CEP20: variants seen among roughly 807,000 people sequenced by gnomAD.
CEP20 encodes the protein FGFR1OP N-terminal like.
In CEP20, 18 loss-of-function variants were observed where a neutral mutation model predicts 20.0. The ratio of observed to expected loss-of-function variants is 0.90; its 90% CI spans 0.62 to 1.34. The LOEUF is 1.34. CEP20 is among the 40% of genes most tolerant of loss of function. The pLI, the probability that CEP20 is intolerant of heterozygous loss-of-function variation, is 0.00. For missense variants in CEP20, 215 were observed against 201.6 expected, an observed-to-expected ratio of 1.07 and a Z score of -0.40; for synonymous variants, 77 against 73.7, an observed-to-expected ratio of 1.04 and a Z score of -0.23.
intron 3 of CEP20, 66 bp downstream of exon 3, chr16:15,879,738 A>T: frequency 1.1e-6 from 1 of 916,482 alleles, no homozygotes; most frequent in Non-Finnish European, 1.7e-6. Context: ...AAAATGAAGT[A>T]AAACCACCAT....
In CEP20 at chr16:15,866,018, A is replaced by G. The variant is rs2044669787; in HGVS notation, c.*1422T>C. ...ATATTTATATTCACACATACAATACAACGGAATTCATCAATGTAATCAGAT... is the reference window on the plus strand; with the variant it reads ...ATATTTATATTCACACATACAATACGACGGAATTCATCAATGTAATCAGAT... On this transcript the variant is annotated 3_prime_UTR_variant, in exon 5 of 5. Coordinates refer to ENST00000255759, the MANE Select transcript of CEP20 (RefSeq NM_144600.4). The G allele has an allele frequency of 6.6e-6, 1 of 152,218 alleles. No individual in the cohort carries two copies. Among genetic ancestry groups the G allele is most frequent in the African/African-American group, 2.4e-5 (1 of 41,456 alleles). The allele number at this position is 152,218 out of a possible 1,614,324, so 9.4% of individuals were successfully genotyped here. A position where few individuals can be genotyped will look rare whatever the true frequency, so the allele number is the denominator to read the frequency against.
chr16:15,875,502 T>G (rs1303310132), intron 3 of CEP20, among the ~76,000 whole-genome samples: 1 of 152,072 alleles, frequency 6.6e-6, no homozygotes, highest in Admixed American at 6.6e-5. Context: ...TTATTTTAAA[T>G]TAGCCACAGA....
chr16:15,866,394 T>C lies in CEP20; in HGVS notation c.*1046A>G, dbSNP rs2044679634. On this transcript the variant is annotated 3_prime_UTR_variant, in exon 5 of 5. Coordinates refer to ENST00000255759, the MANE Select transcript of CEP20 (RefSeq NM_144600.4). ...TGCAGGCAAAATTTAATTCTGAATA[T>C]ACCATCGAACTTTTGCCAATCAGGA... 1.3e-5 allele frequency: 2 copies of C among 152,238 alleles called. No individual in the cohort carries two copies. The highest frequency in any genetic ancestry group is 1.3e-4 in the Admixed American group (2 of 15,280). 9.4% of individuals were successfully genotyped at this position (152,238 alleles called of 1,614,324 possible).
At position 15,873,585 on chromosome 16, in the gene CEP20, A is replaced by C. The variant is rs1383553228; in HGVS notation, c.354T>G (p.Thr118=). The C allele has an allele frequency of 2.5e-6, 4 of 1,614,090 alleles. No homozygotes were observed. Among genetic ancestry groups the C allele is most frequent in the East Asian group, 4.5e-5 (2 of 44,874 alleles). Residue 118 remains threonine (T), a synonymous_variant, in exon 4 of 5, where the codon ACT becomes ACG. Transcript: ENST00000255759. The stretch of plus-strand genomic sequence containing the variant: ...GAAATGCATTCTGGATGCCATCCTT[A>C]GTTCCACGCAAGAAATGGGCTAAAA... The part of the protein sequence containing the change: ...YGILAHFLRG[T]KDGIQNAFLK...
chr16:15,888,527 C>T, intron 1 of CEP20, 31 bp downstream of exon 1: 1 of 1,614,104 alleles, frequency 6.2e-7, no homozygotes, highest in Non-Finnish European at 8.5e-7. Flanking sequence ...CCCGACGCTT[C>T]CCATGTGGAG....
chr16:15,873,048 T>G lies in CEP20; in HGVS notation c.448+443A>C, dbSNP rs954601891. 1.2e-4 allele frequency among the ~76,000 whole-genome samples: 18 copies of G among 152,026 alleles called. 1 individual carries two copies. Among genetic ancestry groups the G allele is most frequent in the African/African-American group, 4.1e-4 (17 of 41,542 alleles). On this transcript the variant is annotated intron_variant, in intron 4 of 4. Coordinates refer to ENST00000255759, the MANE Select transcript of CEP20 (RefSeq NM_144600.4). Reference sequence around the variant, plus strand: ...CTAAGCTGCTCCAAATACTTACAATTTACATGAAAATTGGAGTTTTCAGTA... The same window carrying G: ...CTAAGCTGCTCCAAATACTTACAATGTACATGAAAATTGGAGTTTTCAGTA...
intron 2 of CEP20, among the ~76,000 whole-genome samples, chr16:15,882,777 AT>A (rs56832069): frequency 1.9e-5 from 1 of 52,518 alleles, no homozygotes; most frequent in African/African-American, 8.7e-5. Flanking sequence ...CTATCTATCT[AT>A]CTAGATACAC....
At chr16:15,869,310 C>CTT (rs11351295) in intron 4 of CEP20, among the ~76,000 whole-genome samples, 31 of 118,156 alleles carry the variant, frequency 2.6e-4, no homozygotes, top group East Asian at 4.8e-4. Flanking sequence ...TCTTTCTTTC[C>CTT]TTTTTTTTTT....
chr16:15,888,450 C>G, intron 1 of CEP20, 108 bp downstream of exon 1: 1 of 1,430,900 alleles, frequency 7.0e-7, no homozygotes, highest in Non-Finnish European at 9.7e-7. Context: ...AAGAATGACG[C>G]CTGTAAAAGC....
intron 4 of CEP20, among the ~76,000 whole-genome samples, chr16:15,872,125 T>G (rs764904675): frequency 6.6e-6 from 1 of 152,018 alleles, no homozygotes; most frequent in East Asian, 1.9e-4. Context: ...CCATCCTGGC[T>G]AACACAGGGA....
At chr16:15,874,322 T>G (rs913332585) in intron 3 of CEP20, among the ~76,000 whole-genome samples, 7 of 152,194 alleles carry the variant, frequency 4.6e-5, no homozygotes, top group African/African-American at 1.7e-4. Context: ...ATCTTCTTTA[T>G]AGTTTACAGA....
chr16:15,883,979 A>T, intron 2 of CEP20, 29 bp downstream of exon 2: 1 of 1,571,218 alleles, frequency 6.4e-7, no homozygotes, highest in Non-Finnish European at 8.7e-7. Context: ...GGAGAAACAG[A>T]TTTTATGTGA....
chr16:15,869,892 A>C (rs1165540152), intron 4 of CEP20, among the ~76,000 whole-genome samples: 1 of 152,196 alleles, frequency 6.6e-6, no homozygotes, highest in Non-Finnish European at 1.5e-5. Flanking sequence ...TGACCAAGAA[A>C]ATAATTTGCA....
At chr16:15,884,294 T>C (rs2151432159) in intron 1 of CEP20, 89 bp from the exon 2 acceptor site, 3 of 1,279,854 alleles carry the variant, frequency 2.3e-6, no homozygotes, top group East Asian at 2.4e-5. Context: ...AAAAGGTAAA[T>C]GGTACAAAAA....
intron 4 of CEP20, among the ~76,000 whole-genome samples, chr16:15,871,086 A>T (rs1278889701): frequency 2.0e-5 from 3 of 151,874 alleles, no homozygotes; most frequent in Non-Finnish European, 2.9e-5. Context: ...AACACAGTGA[A>T]CCTCATCTCT....
intron 4 of CEP20, among the ~76,000 whole-genome samples, chr16:15,869,830 C>A (rs1254452628): frequency 6.6e-6 from 1 of 152,152 alleles, no homozygotes; most frequent in Non-Finnish European, 1.5e-5. Flanking sequence ...GCAGTTCTGG[C>A]TGACAACTTT....
chr16:15,880,095 T>A (rs539134670), intron 2 of CEP20, among the ~76,000 whole-genome samples: 2 of 152,238 alleles, frequency 1.3e-5, no homozygotes, highest in African/African-American at 2.4e-5. Flanking sequence ...CAGTTTAACA[T>A]AAATTCACTT....
intron 1 of CEP20, chr16:15,885,679 C>G (rs1285307034): frequency 6.6e-6 from 1 of 152,262 alleles, no homozygotes; most frequent in Non-Finnish European, 1.5e-5. Context: ...GCATGAGCCA[C>G]TGCGCCCACT....
chr16:15,875,566 G>T (rs917799330), intron 3 of CEP20, among the ~76,000 whole-genome samples: 3 of 152,152 alleles, frequency 2.0e-5, no homozygotes, highest in African/African-American at 7.2e-5. Flanking sequence ...TGAGAGGATC[G>T]CTTGAGTGCA....
Sources: gnomAD v4.1 joint callset for allele counts (sites outside exome capture counted in the v4.1 genomes callset) on GRCh38, gnomAD v4.1.1 for gene constraint, MANE v1.5 for transcripts, NCBI Gene and HGNC (gene_info 2026-07-23, HGNC 2026-07-21) for gene names.